Variants in AMZ2 observed in about 807,000 individuals in gnomAD.
The protein encoded by AMZ2 is archaelysin family metallopeptidase 2, also known as archaemetzincin-2.
In AMZ2, 26 loss-of-function variants were observed where a neutral mutation model predicts 36.7. The observed-to-expected ratio is 0.71, with a 90% confidence interval of 0.52 to 0.98. The LOEUF (loss-of-function observed/expected upper bound fraction) is 0.98, where lower values mean the gene tolerates loss of function less well. AMZ2 is among the 50% of genes least tolerant of loss of function. The pLI, the probability that AMZ2 is intolerant of heterozygous loss-of-function variation, is 0.00. For missense variants in AMZ2, 394 were observed against 430.5 expected, an observed-to-expected ratio of 0.92 and a Z score of 0.75; for synonymous variants, 144 against 149.1, an observed-to-expected ratio of 0.97 and a Z score of 0.25.
upstream of AMZ2, chr17:68,247,892 G>A (rs1347330557): frequency 7.1e-6 from 7 of 985,450 alleles, no homozygotes; most frequent in South Asian, 4.7e-5. Context: ...CGCGGCCGCT[G>A]AACTCCAGCT....
chr17:68,211,336 A>T (rs2073039408), intron 1 of AMZ2, among the ~76,000 whole-genome samples: 1 of 151,980 alleles, frequency 6.6e-6, no homozygotes. Flanking sequence ...CCCCGTTTCT[A>T]CTAAAAATGC....
chr17:68,226,921 G>T (rs2073530265), intron 1 of AMZ2, among the ~76,000 whole-genome samples: 1 of 148,122 alleles, frequency 6.8e-6, no homozygotes, highest in South Asian at 2.1e-4. Flanking sequence ...CCAGTTTGCT[G>T]CCCTGTGGCA....
chr17:68,209,632 A>ATATATATATATATATGTATATATATT, intron 1 of AMZ2, among the ~76,000 whole-genome samples: 1 of 90,700 alleles, frequency 1.1e-5, no homozygotes, highest in Non-Finnish European at 2.0e-5. Context: ...ATATATATAT[A>ATATATATATATATATGTATATATATT]TTTTTTTTTT....
intron 1 of AMZ2, among the ~76,000 whole-genome samples, chr17:68,221,405 T>C (rs1258213208): frequency 4.6e-5 from 7 of 151,874 alleles, no homozygotes; most frequent in Admixed American, 4.6e-4. Flanking sequence ...CAGGAAAGGG[T>C]GCATGCCAGA....
intron 1 of AMZ2, among the ~76,000 whole-genome samples, chr17:68,208,033 G>A (rs1233724649): frequency 1.8e-4 from 28 of 152,300 alleles, no homozygotes; most frequent in Admixed American, 1.4e-3. Flanking sequence ...TTCTCGCAGG[G>A]CCTTAGCTGC....
intron 1 of AMZ2, among the ~76,000 whole-genome samples, chr17:68,215,835 C>T (rs1399479833): frequency 1.3e-5 from 2 of 151,072 alleles, no homozygotes; most frequent in Non-Finnish European, 3.0e-5. Context: ...TATTCACTCT[C>T]ACTGCCTCTT....
intron 1 of AMZ2, among the ~76,000 whole-genome samples, chr17:68,207,778 C>T (rs1235049867): frequency 6.6e-6 from 1 of 152,234 alleles, no homozygotes; most frequent in South Asian, 2.1e-4. Flanking sequence ...CCCTTCAGCC[C>T]GCCACTGTAC....
intron 1 of AMZ2, among the ~76,000 whole-genome samples, chr17:68,232,667 A>AC (rs1215847296): frequency 6.6e-6 from 1 of 151,924 alleles, no homozygotes; most frequent in Non-Finnish European, 1.5e-5. Context: ...ACATGGCGAA[A>AC]CCCCATCTCT....
At chr17:68,232,067 C>T (rs1334337123) in intron 1 of AMZ2, among the ~76,000 whole-genome samples, 1 of 143,270 alleles carries the variant, frequency 7.0e-6, no homozygotes, top group African/African-American at 2.6e-5. Flanking sequence ...GTAAGGTTAC[C>T]TTAAGAGATC....
At chr17:68,247,897 C>G (rs561784782), upstream of AMZ2, 8 of 985,624 alleles carry the variant, frequency 8.1e-6, no homozygotes, top group South Asian at 3.8e-4. Flanking sequence ...CCGCTGAACT[C>G]CAGCTCTGCG....
chr17:68,247,999 C>A (rs549633619), upstream of AMZ2: 62 of 985,840 alleles, frequency 6.3e-5, no homozygotes, highest in Middle Eastern at 5.2e-4. Context: ...AGCGGCGCGG[C>A]GCGTGGCGTA....
rs1262001468 is a variant in AMZ2, at chr17:68,241,436, G to A, written c.-66-7204G>A. Among the ~76,000 whole-genome samples, 7 of 152,092 alleles carry A rather than the reference G, an allele frequency of 4.6e-5. No individual in the cohort carries two copies. In the East Asian group the frequency reaches 1.3e-3, roughly 29 times the overall value. On this transcript the variant is annotated intron_variant, in intron 1 of 7. Coordinates refer to the AMZ2 transcript ENST00000674770. Reference sequence around the variant, plus strand: ...TGATAGAATCACAAGAGGAATGATAGGTGGAAAGTATGATGTATGAGAGTT... The same window carrying A: ...TGATAGAATCACAAGAGGAATGATAAGTGGAAAGTATGATGTATGAGAGTT...
chr17:68,255,507 A>G (rs567447665), intron 5 of AMZ2, among the ~76,000 whole-genome samples, 193 bp from the exon 6 acceptor site: 2 of 152,344 alleles, frequency 1.3e-5, no homozygotes, highest in South Asian at 4.1e-4. Context: ...GAGGAAGTCT[A>G]TAGCAAGAAA....
intron 1 of AMZ2, chr17:68,249,114 T>A (rs2074247316): frequency 8.5e-7 from 1 of 1,183,178 alleles, no homozygotes; most frequent in African/African-American, 1.6e-5. Flanking sequence ...TGGCTTTTGA[T>A]TAGTCATCTG....
At chr17:68,216,226 C>T (rs1159786671) in intron 1 of AMZ2, among the ~76,000 whole-genome samples, 1 of 152,150 alleles carries the variant, frequency 6.6e-6, no homozygotes, top group African/African-American at 2.4e-5. Context: ...CTCAATCTCC[C>T]AGGCTCAGGC....
intron 1 of AMZ2, among the ~76,000 whole-genome samples, chr17:68,210,998 G>A (rs528124747): frequency 6.6e-6 from 1 of 150,906 alleles, no homozygotes; most frequent in Non-Finnish European, 1.5e-5. Flanking sequence ...TTTATGTTAT[G>A]CATACTTTAC....
At chr17:68,216,384 G>A (rs1555727251) in intron 1 of AMZ2, among the ~76,000 whole-genome samples, 3 of 152,032 alleles carry the variant, frequency 2.0e-5, no homozygotes, top group East Asian at 1.9e-4. Context: ...TCCTCCCACC[G>A]CAGCCTCCCA....
In AMZ2 at chr17:68,256,974, C is replaced by T. The variant is rs782134683; in HGVS notation, c.*5C>T. 1 of 1,612,430 alleles carries T rather than the reference C, an allele frequency of 6.2e-7. No homozygotes were observed. The highest frequency in any genetic ancestry group is 8.5e-7 in the Non-Finnish European group (1 of 1,179,450). ...CTGGCTGTTCTCCAAAAATGAGGACCTTCAAATAGGAGTGATTGAAATAAA... is the reference window on the plus strand; with the variant it reads ...CTGGCTGTTCTCCAAAAATGAGGACTTTCAAATAGGAGTGATTGAAATAAA... On this transcript the variant is annotated 3_prime_UTR_variant, in exon 7 of 7. Coordinates refer to ENST00000359904, the MANE Select transcript of AMZ2 (RefSeq NM_016627.5).
At chr17:68,237,348 GTCC>G (rs34774615) in intron 1 of AMZ2, among the ~76,000 whole-genome samples, 35,937 of 152,044 alleles carry the variant, frequency 0.24, 4,928 homozygotes, top group African/African-American at 0.38. Context: ...CTATTCTTCT[GTCC>G]TCCTCAGCTT....
Sources: gnomAD v4.1 joint callset for allele counts (sites outside exome capture counted in the v4.1 genomes callset) on GRCh38, gnomAD v4.1.1 for gene constraint, MANE v1.5 for transcripts, NCBI Gene and HGNC (gene_info 2026-07-23, HGNC 2026-07-21) for gene names.